HS2ST1: variants seen among roughly 807,000 people sequenced by gnomAD.
HS2ST1 encodes heparan sulfate 2-O-sulfotransferase 1.
In HS2ST1, 18 loss-of-function variants were observed where a neutral mutation model predicts 42.9. The ratio of observed to expected loss-of-function variants is 0.42; its 90% confidence interval spans 0.29 to 0.62. The LOEUF (loss-of-function observed/expected upper bound fraction) is 0.62, where lower values mean the gene tolerates loss of function less well. HS2ST1 is among the 20% of genes least tolerant of loss of function. The pLI is 0.21. For missense variants in HS2ST1, 334 were observed against 433.8 expected (o/e 0.77, Z 2.04); for synonymous variants, 146 against 152.9 (o/e 0.95, Z 0.33).
chr1:87,084,850 C>T (rs999709613), intron 3 of HS2ST1, among the ~76,000 whole-genome samples: 1 of 151,662 alleles, frequency 6.6e-6, no homozygotes, highest in Admixed American at 6.6e-5. Context: ...CTCACTCACT[C>T]ACTCACTCAC....
At chr1:87,086,066 A>G (rs2798676) in intron 3 of HS2ST1, among the ~76,000 whole-genome samples, 105,814 of 152,084 alleles carry the variant, frequency 0.7, 38,989 homozygotes, top group East Asian at 0.94. Context: ...TATCTATGTA[A>G]TCAAGAACTG....
intron 1 of HS2ST1, among the ~76,000 whole-genome samples, chr1:86,983,670 C>T (rs143076131): frequency 0.014 from 2,162 of 151,852 alleles, 17 homozygotes; most frequent in Middle Eastern, 0.037. Context: ...CACAACAATA[C>T]GGTATATTGC....
At chr1:86,979,184 A>G (rs569045217) in intron 1 of HS2ST1, among the ~76,000 whole-genome samples, 2 of 152,226 alleles carry the variant, frequency 1.3e-5, no homozygotes, top group South Asian at 2.1e-4. Context: ...TTGCTTTTCA[A>G]TTATTTTTCA....
intron 1 of HS2ST1, chr1:86,993,252 A>C (rs1649010221): frequency 8.4e-7 from 1 of 1,195,946 alleles, no homozygotes; most frequent in Admixed American, 2.7e-5. Context: ...GAAATCTAAA[A>C]ACTGATAATA....
intron 1 of HS2ST1, among the ~76,000 whole-genome samples, chr1:87,043,861 C>T (rs1650577535): frequency 6.6e-6 from 1 of 151,690 alleles, no homozygotes; most frequent in Non-Finnish European, 1.5e-5. Context: ...ATATTTGTAC[C>T]ATATTTTGTG....
At chr1:87,082,120 A>G (rs1379822424) in intron 2 of HS2ST1, among the ~76,000 whole-genome samples, 1 of 152,232 alleles carries the variant, frequency 6.6e-6, no homozygotes, top group African/African-American at 2.4e-5. Flanking sequence ...ACTATGAGCA[A>G]CTATATGCCA....
At chr1:87,071,907 C>T (rs1651421908) in intron 1 of HS2ST1, among the ~76,000 whole-genome samples, 1 of 151,904 alleles carries the variant, frequency 6.6e-6, no homozygotes, top group Non-Finnish European at 1.5e-5. Flanking sequence ...TGTAACTATC[C>T]CCGTGCAAAG....
intron 1 of HS2ST1, among the ~76,000 whole-genome samples, chr1:86,993,406 A>C (rs1649014911): frequency 6.6e-6 from 1 of 152,136 alleles, no homozygotes; most frequent in Admixed American, 6.5e-5. Flanking sequence ...TGTCTGCTGA[A>C]GCATAGTATT....
At chr1:87,049,417 GTA>G (rs1650777853) in intron 1 of HS2ST1, among the ~76,000 whole-genome samples, 1 of 151,980 alleles carries the variant, frequency 6.6e-6, no homozygotes, top group Admixed American at 6.6e-5. Context: ...GTGTAGTGCT[GTA>G]TGTTTCCCTA....
At chr1:86,920,361 C>T (rs185779857) in intron 1 of HS2ST1, among the ~76,000 whole-genome samples, 79 of 152,294 alleles carry the variant, frequency 5.2e-4, no homozygotes, top group Non-Finnish European at 8.5e-4. Flanking sequence ...GTTCCTGAAA[C>T]CATGCAGCAA....
At chr1:86,929,915 T>C (rs1489354151) in intron 1 of HS2ST1, among the ~76,000 whole-genome samples, 1 of 151,874 alleles carries the variant, frequency 6.6e-6, no homozygotes, top group Non-Finnish European at 1.5e-5. Context: ...GTATAGGCTG[T>C]ACATTAATAT....
At chr1:87,010,386 A>G (rs536575242) in intron 1 of HS2ST1, among the ~76,000 whole-genome samples, 1 of 152,280 alleles carries the variant, frequency 6.6e-6, no homozygotes, top group South Asian at 2.1e-4. Context: ...TAACAGTAAA[A>G]TCAGTGACAC....
chr1:87,042,928 T>C (rs1433984940), intron 1 of HS2ST1, among the ~76,000 whole-genome samples: 1 of 152,134 alleles, frequency 6.6e-6, no homozygotes, highest in East Asian at 1.9e-4. Flanking sequence ...GACTACATGC[T>C]TCCTATAAAG....
chr1:87,051,614 G>A (rs931835326), intron 1 of HS2ST1, among the ~76,000 whole-genome samples: 1 of 152,122 alleles, frequency 6.6e-6, no homozygotes, highest in South Asian at 2.1e-4. Context: ...TTAAAATTCA[G>A]TAAAACACAA....
chr1:87,006,845 G>A (rs1263316934), intron 1 of HS2ST1, among the ~76,000 whole-genome samples: 8 of 151,994 alleles, frequency 5.3e-5, no homozygotes, highest in African/African-American at 1.9e-4. Flanking sequence ...TTGTTCACTA[G>A]CAGCTGCTGA....
chr1:87,071,497 G>A (rs932997718), intron 1 of HS2ST1, among the ~76,000 whole-genome samples: 18 of 152,124 alleles, frequency 1.2e-4, no homozygotes, highest in African/African-American at 3.1e-4. Flanking sequence ...TTGGGAGGCC[G>A]AGGCGGGTGG....
At chr1:87,015,715 C>G (rs1013901547) in intron 1 of HS2ST1, among the ~76,000 whole-genome samples, 3 of 152,104 alleles carry the variant, frequency 2.0e-5, no homozygotes, top group African/African-American at 7.2e-5. Context: ...GGTGGCCCAT[C>G]TTACTTTACA....
intron 1 of HS2ST1, among the ~76,000 whole-genome samples, chr1:86,927,850 G>C (rs1052376903): frequency 6.6e-6 from 1 of 152,088 alleles, no homozygotes; most frequent in African/African-American, 2.4e-5. Flanking sequence ...TGTAGTCCCT[G>C]TATGCTGTGA....
intron 1 of HS2ST1, among the ~76,000 whole-genome samples, chr1:87,003,811 A>G (rs1198014621): frequency 6.6e-6 from 1 of 152,162 alleles, no homozygotes; most frequent in Non-Finnish European, 1.5e-5. Context: ...GAGATGATAT[A>G]AGTATACAGG....
Sources: allele counts gnomAD v4.1 joint callset (sites outside exome capture counted in the v4.1 genomes callset), GRCh38; gene constraint gnomAD v4.1.1; transcripts MANE v1.5; gene names NCBI Gene and HGNC (gene_info 2026-07-23, HGNC 2026-07-21).